VSNL1: variants seen among roughly 807,000 people sequenced by gnomAD.
VSNL1 encodes the protein visinin like 1, also known as visinin-like protein 1.
In VSNL1, 6 loss-of-function variants were observed where a neutral mutation model predicts 20.4. The ratio of observed to expected loss-of-function variants is 0.29; its 90% CI spans 0.16 to 0.58. The LOEUF (loss-of-function observed/expected upper bound fraction) is 0.58. Ranked by LOEUF, VSNL1 falls within the 20% of genes least tolerant of loss-of-function variation. The pLI, the probability that VSNL1 is intolerant of heterozygous loss-of-function variation, is 0.90. For missense variants in VSNL1, 100 were observed against 234.5 expected (o/e 0.43, Z 3.75); for synonymous variants, 93 against 86.4 (o/e 1.08, Z -0.42).
intron 1 of VSNL1, among the ~76,000 whole-genome samples, chr2:17,561,196 G>C (rs1310989007): frequency 6.6e-6 from 1 of 152,112 alleles, no homozygotes; most frequent in Non-Finnish European, 1.5e-5. Context: ...TGAAAAATGG[G>C]GTGAAGAATA....
chr2:17,587,489 A>G (rs1044408889), intron 1 of VSNL1, among the ~76,000 whole-genome samples: 15 of 152,038 alleles, frequency 9.9e-5, no homozygotes, highest in Non-Finnish European at 2.9e-5. Flanking sequence ...CCCTTTCCAC[A>G]TCCACGAAGT....
At chr2:17,612,770 C>A (rs752678186) in intron 2 of VSNL1, among the ~76,000 whole-genome samples, 11 of 152,204 alleles carry the variant, frequency 7.2e-5, no homozygotes, top group Non-Finnish European at 1.3e-4. Context: ...AGGGGACAGG[C>A]AGCTCTGAGT....
chr2:17,555,649 C>G (rs1042860998), intron 1 of VSNL1, among the ~76,000 whole-genome samples: 1 of 152,104 alleles, frequency 6.6e-6, no homozygotes, highest in African/African-American at 2.4e-5. Context: ...AGAATTCACT[C>G]ATTTATGTTT....
intron 2 of VSNL1, among the ~76,000 whole-genome samples, chr2:17,616,611 A>G (rs1665222945): frequency 6.6e-6 from 1 of 152,206 alleles, no homozygotes; most frequent in Non-Finnish European, 1.5e-5. Flanking sequence ...CAGTGAGCTC[A>G]GTGTCACCCT....
chr2:17,587,421 T>C (rs1165322008), intron 1 of VSNL1, among the ~76,000 whole-genome samples: 1 of 150,806 alleles, frequency 6.6e-6, no homozygotes, highest in Admixed American at 6.6e-5. Flanking sequence ...TCCTCTTTAA[T>C]ACCCAAAGGG....
intron 2 of VSNL1, among the ~76,000 whole-genome samples, chr2:17,602,835 A>T (rs1265549075): frequency 2.0e-5 from 3 of 152,192 alleles, no homozygotes; most frequent in African/African-American, 7.2e-5. Flanking sequence ...TAGAGAAGCT[A>T]TTAGTTGTCG....
At chr2:17,579,127 T>A (rs1188922397) in intron 1 of VSNL1, among the ~76,000 whole-genome samples, 4 of 152,086 alleles carry the variant, frequency 2.6e-5, no homozygotes, top group African/African-American at 4.8e-5. Context: ...TTTTTATTTT[T>A]TTTTTTGAGA....
At chr2:17,544,658 T>C (rs952018159) in intron 1 of VSNL1, among the ~76,000 whole-genome samples, 6 of 152,230 alleles carry the variant, frequency 3.9e-5, no homozygotes, top group Non-Finnish European at 8.8e-5. Context: ...TCCTAATTGA[T>C]AACAGCAATA....
At chr2:17,586,950 A>C (rs2103371105) in intron 1 of VSNL1, among the ~76,000 whole-genome samples, 1 of 152,284 alleles carries the variant, frequency 6.6e-6, no homozygotes, top group African/African-American at 2.4e-5. Flanking sequence ...GATATGAGTG[A>C]AGAGCCTAGG....
chr2:17,544,044 A>G (rs545560861), intron 1 of VSNL1, among the ~76,000 whole-genome samples: 16 of 152,278 alleles, frequency 1.1e-4, no homozygotes, highest in African/African-American at 3.6e-4. Context: ...GGATTCTTAC[A>G]TGAAAAAAGC....
chr2:17,592,947 G>A (rs1421750880), intron 2 of VSNL1, among the ~76,000 whole-genome samples: 2 of 152,004 alleles, frequency 1.3e-5, no homozygotes, highest in Non-Finnish European at 2.9e-5. Flanking sequence ...GCTGATCTAA[G>A]ACATTCCACT....
At chr2:17,608,227 G>C (rs1029113122) in intron 2 of VSNL1, among the ~76,000 whole-genome samples, 3 of 152,188 alleles carry the variant, frequency 2.0e-5, no homozygotes, top group African/African-American at 7.2e-5. Flanking sequence ...GACAAAGTTG[G>C]TCTCTGAAAA....
Position 17,655,320 on chromosome 2 carries a change from C to A in VSNL1, c.502C>A (p.Leu168Met), listed in dbSNP as rs143934529. 1 of 1,614,038 alleles carries A rather than the reference C, an allele frequency of 6.2e-7. No homozygotes were observed. Among genetic ancestry groups the A allele is most frequent in the East Asian group, 2.2e-5 (1 of 44,898 alleles). ...TAAGAACAAAGATGACCAGATTACA[C>A]TGGATGAATTCAAAGAAGCTGCAAA... ...MDKNKDDQITLDEFKEAAKSD... is the reference protein window; with the variant it reads ...MDKNKDDQITMDEFKEAAKSD... The change falls in exon 4 of 4, where the codon CTG (leucine) becomes ATG (methionine). Residue 168 changes from leucine to methionine, a missense_variant. Physicochemically the swap from Leu to Met is conservative, Grantham distance 15. Transcript: ENST00000295156. This position sits in a 1 kb window ranked among gnomAD's most constrained non-coding sequence, Gnocchi z 5.2.
At chr2:17,654,077 T>TA (rs1475216626) in intron 3 of VSNL1, among the ~76,000 whole-genome samples, 1 of 152,260 alleles carries the variant, frequency 6.6e-6, no homozygotes, top group African/African-American at 2.4e-5. Context: ...TATATTTTTT[T>TA]ACCGTATAGC....
At chr2:17,604,228 A>G (rs1286868042) in intron 2 of VSNL1, among the ~76,000 whole-genome samples, 1 of 152,206 alleles carries the variant, frequency 6.6e-6, no homozygotes, top group Non-Finnish European at 1.5e-5. Flanking sequence ...GAGGGTAAAA[A>G]CACTCCTTGC....
chr2:17,588,838 TTA>T (rs1312288690), intron 1 of VSNL1, among the ~76,000 whole-genome samples: 2 of 152,192 alleles, frequency 1.3e-5, no homozygotes, highest in Admixed American at 6.5e-5. Flanking sequence ...TATATATAGA[TTA>T]TGAGACATTT....
intron 2 of VSNL1, among the ~76,000 whole-genome samples, chr2:17,621,396 C>T (rs1665355761): frequency 6.6e-6 from 1 of 152,054 alleles, no homozygotes; most frequent in Non-Finnish European, 1.5e-5. Context: ...AATCTCATCT[C>T]ACTGCAACCT....
intron 2 of VSNL1, among the ~76,000 whole-genome samples, chr2:17,615,086 A>G (rs1314277879): frequency 6.6e-6 from 1 of 152,170 alleles, no homozygotes; most frequent in Admixed American, 6.5e-5. Flanking sequence ...CCTTTCCTCA[A>G]AAACCTCCTG....
chr2:17,551,750 G>T (rs1224478481), intron 1 of VSNL1, among the ~76,000 whole-genome samples: 1 of 152,032 alleles, frequency 6.6e-6, no homozygotes, highest in African/African-American at 2.4e-5. Context: ...TACTTAGAAG[G>T]CTTACCTATA....
Sources: allele counts gnomAD v4.1 joint callset (sites outside exome capture counted in the v4.1 genomes callset), GRCh38; gene constraint gnomAD v4.1.1; non-coding constraint Gnocchi (gnomAD v3.1); transcripts MANE v1.5; gene names NCBI Gene and HGNC (gene_info 2026-07-23, HGNC 2026-07-21).